Variants in CDH8 observed in about 807,000 individuals in gnomAD.
The protein encoded by CDH8 is cadherin-8.
A neutral mutation model predicts 68.1 loss-of-function variants in CDH8; 17 were observed. That is an observed-to-expected ratio of 0.25 (90% CI 0.17 to 0.37). CDH8 has a LOEUF of 0.37. CDH8 is among the 10% of genes least tolerant of loss of function. The probability of loss-of-function intolerance (pLI) is 1.00; values close to 1 mark genes in which losing one functional copy is unlikely to be tolerated. For missense variants in CDH8, 763 were observed against 999.3 expected (o/e 0.76, Z 3.19); for synonymous variants, 372 against 365.1 (o/e 1.02, Z -0.21).
At chr16:61,672,358 T>C (rs969938353) in intron 10 of CDH8, among the ~76,000 whole-genome samples, 1 of 152,120 alleles carries the variant, frequency 6.6e-6, no homozygotes, top group Admixed American at 6.6e-5. Context: ...TAGTAGACAG[T>C]GCCCAGGCTC....
At chr16:61,859,717 T>C (rs962509333) in intron 3 of CDH8, among the ~76,000 whole-genome samples, 2 of 152,206 alleles carry the variant, frequency 1.3e-5, no homozygotes, top group Non-Finnish European at 2.9e-5. Flanking sequence ...AAACTGAAGG[T>C]AAACTGAGTC....
intron 2 of CDH8, among the ~76,000 whole-genome samples, chr16:61,960,048 T>TGTGTGTGTATACACACACATATATAC (rs1157710134): frequency 1.0e-5 from 1 of 100,136 alleles, no homozygotes; most frequent in Non-Finnish European, 1.9e-5. Flanking sequence ...AACATATATG[T>TGTGTGTGTATACACACACATATATAC]ATGTATGTGT....
intron 1 of CDH8, among the ~76,000 whole-genome samples, chr16:62,032,913 TG>T (rs1902361563): frequency 6.6e-6 from 1 of 152,216 alleles, no homozygotes; most frequent in South Asian, 2.1e-4. Context: ...TCTGAACAGC[TG>T]TTGAAGTGTG....
chr16:61,854,447 A>G (rs895066867), intron 4 of CDH8, among the ~76,000 whole-genome samples: 14 of 152,044 alleles, frequency 9.2e-5, no homozygotes, highest in African/African-American at 3.4e-4. Context: ...ATTGCCTTAT[A>G]CTGCTTTTTC....
At chr16:61,953,245 G>A in intron 2 of CDH8, among the ~76,000 whole-genome samples, 1 of 152,092 alleles carries the variant, frequency 6.6e-6, no homozygotes, top group East Asian at 1.9e-4. Flanking sequence ...GAGCTCAAGG[G>A]TAGAGGAATA....
intron 7 of CDH8, among the ~76,000 whole-genome samples, chr16:61,807,764 G>T (rs140953046): frequency 6.6e-6 from 1 of 152,140 alleles, no homozygotes; most frequent in Non-Finnish European, 1.5e-5. Context: ...TTGGCATGAC[G>T]TAGTACTCCT....
At chr16:61,841,161 A>C (rs1219229534) in intron 4 of CDH8, among the ~76,000 whole-genome samples, 2 of 152,214 alleles carry the variant, frequency 1.3e-5, no homozygotes, top group African/African-American at 4.8e-5. Flanking sequence ...ACAGTGCTGC[A>C]ACAAGCATAG....
At position 61,846,963 on chromosome 16, in the gene CDH8, C is replaced by T. The variant is rs371362502; in HGVS notation, c.667+10156G>A. Among the ~76,000 whole-genome samples the T allele has an allele frequency of 5.8e-3, 885 of 152,196 alleles. 7 individuals are homozygous for T. The highest frequency in any genetic ancestry group is 0.025 in the South Asian group (120 of 4,826). ...GGCGCATCTTTATGTTCCTGGTCCACTATCAACAATCCCATAGCTACTGTT... is the reference window on the plus strand; with the variant it reads ...GGCGCATCTTTATGTTCCTGGTCCATTATCAACAATCCCATAGCTACTGTT... On this transcript the variant is annotated intron_variant, in intron 4 of 11. Transcript: ENST00000577390.
Position 61,652,527 on chromosome 16 carries a change from T to C in CDH8, c.*1081A>G. 6.9e-6 allele frequency: 7 copies of C among 1,019,692 alleles called. No homozygotes were observed. Among genetic ancestry groups the C allele is most frequent in the Non-Finnish European group, 8.2e-6 (7 of 852,746 alleles). 63.2% of individuals were successfully genotyped at this position (1,019,692 alleles called of 1,614,324 possible). Reference sequence around the variant, plus strand: ...AAGATGCTGTTCCTGCCATCTCCAGTTACAATAACACTTTCTACTCTAAAG... The same window carrying C: ...AAGATGCTGTTCCTGCCATCTCCAGCTACAATAACACTTTCTACTCTAAAG... On this transcript the variant is annotated 3_prime_UTR_variant, in exon 12 of 12. Coordinates refer to ENST00000577390, the MANE Select transcript of CDH8 (RefSeq NM_001796.5).
At chr16:61,920,937 A>G (rs1412380131) in intron 2 of CDH8, among the ~76,000 whole-genome samples, 335 of 123,272 alleles carry the variant, frequency 2.7e-3, no homozygotes, top group Middle Eastern at 4.5e-3. Flanking sequence ...AAAAATGATG[A>G]CTTCATGTCC....
chr16:61,676,503 G>A (rs965629159), intron 10 of CDH8, among the ~76,000 whole-genome samples: 2 of 151,888 alleles, frequency 1.3e-5, no homozygotes, highest in Non-Finnish European at 2.9e-5. Flanking sequence ...TGGATTAACA[G>A]AATAAAGTAG....
At chr16:61,668,039 A>C (rs1243886870) in intron 10 of CDH8, among the ~76,000 whole-genome samples, 2 of 152,000 alleles carry the variant, frequency 1.3e-5, no homozygotes, top group African/African-American at 4.8e-5. Context: ...CCATGTTATG[A>C]CACCTTTATT....
intron 4 of CDH8, among the ~76,000 whole-genome samples, chr16:61,827,432 G>A (rs764815481): frequency 1.9e-4 from 29 of 151,780 alleles, no homozygotes; most frequent in Non-Finnish European, 3.7e-4. Flanking sequence ...GGTTACTTGC[G>A]TGAAAGAACT....
intron 7 of CDH8, among the ~76,000 whole-genome samples, chr16:61,803,641 A>T (rs1184532102): frequency 1.3e-5 from 2 of 151,614 alleles, no homozygotes; most frequent in African/African-American, 2.4e-5. Flanking sequence ...GGAAATGGAA[A>T]ACAAAAAAAA....
At chr16:61,814,149 T>C (rs528520107) in intron 7 of CDH8, among the ~76,000 whole-genome samples, 8 of 152,320 alleles carry the variant, frequency 5.3e-5, no homozygotes, top group Admixed American at 5.2e-4. Flanking sequence ...GATGATATTA[T>C]CCCATACGGA....
chr16:61,807,888 T>A (rs1197526257), intron 7 of CDH8, among the ~76,000 whole-genome samples: 2 of 152,196 alleles, frequency 1.3e-5, no homozygotes, highest in Non-Finnish European at 2.9e-5. Context: ...TCCTTTCCTT[T>A]CATAGGTGGC....
rs1006892188 is a variant in CDH8, at chr16:61,648,440, G to T, written c.*5168C>A. The stretch of plus-strand genomic sequence containing the variant: ...CGTCTTCTTGAGTCTTCCCATATGG[G>T]GTCCCTTACTTCCTCCTCAGTACTT... On this transcript the variant is annotated 3_prime_UTR_variant, in exon 12 of 12. Coordinates refer to ENST00000577390, the MANE Select transcript of CDH8 (RefSeq NM_001796.5). 1.3e-5 allele frequency: 2 copies of T among 151,754 alleles called. No individual in the cohort carries two copies. Among genetic ancestry groups the T allele is most frequent in the Non-Finnish European group, 2.9e-5 (2 of 68,050 alleles). The allele number at this position is 151,754 out of a possible 1,614,324, so 9.4% of individuals were successfully genotyped here. A position where few individuals can be genotyped will look rare whatever the true frequency, so the allele number is the denominator to read the frequency against.
At chr16:61,788,568 T>G (rs1454933010) in intron 8 of CDH8, among the ~76,000 whole-genome samples, 1 of 152,058 alleles carries the variant, frequency 6.6e-6, no homozygotes, top group African/African-American at 2.4e-5. Context: ...CCATTTTTTG[T>G]ATAATAAAAG....
intron 2 of CDH8, among the ~76,000 whole-genome samples, chr16:62,002,790 A>T (rs185961629): frequency 1.2e-3 from 187 of 152,298 alleles, no homozygotes; most frequent in Non-Finnish European, 2.1e-3. Context: ...GCGGTGGCTC[A>T]CGCCTGTAAT....
Sources: gnomAD v4.1 joint callset for allele counts (sites outside exome capture counted in the v4.1 genomes callset) on GRCh38, gnomAD v4.1.1 for gene constraint, MANE v1.5 for transcripts, NCBI Gene and HGNC (gene_info 2026-07-23, HGNC 2026-07-21) for gene names.